Variants in CBFB observed in about 807,000 individuals in gnomAD.
CBFB encodes core-binding factor subunit beta.
In CBFB, 9 loss-of-function variants were observed where a neutral mutation model predicts 30.4. The ratio of observed to expected loss-of-function variants is 0.30; its 90% CI spans 0.18 to 0.52. CBFB has a LOEUF of 0.52. CBFB is among the 20% of genes least tolerant of loss of function. The pLI, the probability that CBFB is intolerant of heterozygous loss-of-function variation, is 0.97. For synonymous variants in CBFB, 94 were observed against 84.0 expected, an observed-to-expected ratio of 1.12 and a Z score of -0.65; for missense variants, 170 against 244.0, an observed-to-expected ratio of 0.70 and a Z score of 2.02.
chr16:67,038,159 G>A (rs905335536), intron 3 of CBFB, among the ~76,000 whole-genome samples: 5 of 151,820 alleles, frequency 3.3e-5, no homozygotes, highest in African/African-American at 9.7e-5. Context: ...TTTTGTACCC[G>A]TTTCTATCAA....
intron 5 of CBFB, among the ~76,000 whole-genome samples, chr16:67,084,189 A>AG (rs1961651390): frequency 2.0e-5 from 3 of 148,150 alleles, no homozygotes; most frequent in Non-Finnish European, 3.0e-5. Flanking sequence ...AAAAAAAAAA[A>AG]GTATATTCTA....
At chr16:67,036,505 A>C (rs1238168615) in intron 2 of CBFB, 134 bp from the exon 3 acceptor site, 4 of 592,510 alleles carry the variant, frequency 6.8e-6, no homozygotes, top group Admixed American at 2.7e-5. Context: ...TGATGAGTGC[A>C]TGTTTTTTTT....
chr16:67,092,696 A>AT (rs1162307047), intron 5 of CBFB, among the ~76,000 whole-genome samples: 38 of 94,674 alleles, frequency 4.0e-4, no homozygotes, highest in South Asian at 1.1e-3. Flanking sequence ...CAGTGGTGCA[A>AT]TCTTTTTTTT....
intron 4 of CBFB, chr16:67,067,044 A>G (rs1049778337): frequency 6.0e-5 from 16 of 266,912 alleles, no homozygotes; most frequent in East Asian, 6.9e-5. Flanking sequence ...AAGTCCAGCA[A>G]GTAGCTCTTT....
At chr16:67,042,240 T>C (rs1319191787) in intron 3 of CBFB, among the ~76,000 whole-genome samples, 1 of 152,020 alleles carries the variant, frequency 6.6e-6, no homozygotes, top group Non-Finnish European at 1.5e-5. Flanking sequence ...AAAAATCATT[T>C]GTTTCTAAGT....
At position 67,100,105 on chromosome 16, in the gene CBFB, A is replaced by C. The variant is rs1962174947; in HGVS notation, c.*1327A>C. The C allele has an allele frequency of 1.4e-5, 3 of 213,152 alleles. No homozygotes were observed. In the South Asian group the frequency reaches 5.6e-4, roughly 40 times the overall value. 13.2% of individuals were successfully genotyped at this position (213,152 alleles called of 1,614,324 possible). ...ACAGAGTGGAAAACAGTGCTAAGTC[A>C]TTTGGCACCTCCTTACAAATATTTT... is the stretch of plus-strand genomic sequence containing the variant. On this transcript the variant is annotated 3_prime_UTR_variant, in exon 6 of 6. Coordinates refer to ENST00000412916, the MANE Select transcript of CBFB (RefSeq NM_022845.3).
intron 3 of CBFB, among the ~76,000 whole-genome samples, chr16:67,042,708 GAAA>G (rs1039103134): frequency 6.6e-6 from 1 of 152,128 alleles, no homozygotes; most frequent in African/African-American, 2.4e-5. Context: ...TCCATAGAGA[GAAA>G]AAGAGTGAAG....
intron 3 of CBFB, among the ~76,000 whole-genome samples, chr16:67,051,434 A>G (rs527527712): frequency 6.6e-6 from 1 of 152,066 alleles, no homozygotes; most frequent in East Asian, 1.9e-4. Context: ...AAATATATGT[A>G]TATATATCCA....
chr16:67,098,412 C>G (rs1962118511), intron 5 of CBFB, among the ~76,000 whole-genome samples: 1 of 152,200 alleles, frequency 6.6e-6, no homozygotes, highest in Non-Finnish European at 1.5e-5. Context: ...TCTGGGATTA[C>G]AGGCATGAGC....
At chr16:67,089,089 G>C (rs1252809765) in intron 5 of CBFB, among the ~76,000 whole-genome samples, 1 of 152,114 alleles carries the variant, frequency 6.6e-6, no homozygotes, top group Non-Finnish European at 1.5e-5. Context: ...TATTTCAGTA[G>C]TACAATATTT....
At chr16:67,036,591 T>A (rs1468988583) in intron 2 of CBFB, 48 bp from the exon 3 acceptor site, 2 of 1,024,044 alleles carry the variant, frequency 2.0e-6, no homozygotes, top group Non-Finnish European at 3.1e-6. Flanking sequence ...TTGCATAATT[T>A]ATGTAATGTC....
In CBFB at chr16:67,036,823, C is replaced by T. The variant is rs541052722; in HGVS notation, c.282+68C>T. On this transcript the variant is annotated intron_variant, in intron 3 of 5. Coordinates refer to ENST00000412916, the MANE Select transcript of CBFB (RefSeq NM_022845.3). ...TTGTTAGAGATTATCTGGTAATTTACATTTTAATAAAGATCACAGATCTGA... is the reference window on the plus strand; with the variant it reads ...TTGTTAGAGATTATCTGGTAATTTATATTTTAATAAAGATCACAGATCTGA... 6.4e-5 allele frequency: 57 copies of T among 888,338 alleles called. No individual in the cohort carries two copies. The South Asian group carries it at 6.5e-4, about 10-fold the overall frequency. 55.0% of individuals were successfully genotyped at this position (888,338 alleles called of 1,614,324 possible).
At chr16:67,049,288 C>T (rs1276764811) in intron 3 of CBFB, among the ~76,000 whole-genome samples, 2 of 151,962 alleles carry the variant, frequency 1.3e-5, no homozygotes, top group Non-Finnish European at 2.9e-5. Flanking sequence ...ACTGCAACCT[C>T]CGCCTCCCGG....
Position 67,029,313 on chromosome 16 carries a change from G to T in CBFB, c.-95G>T. ...AAAGGGAAGCGGGCGTCCGGGCGCCGCGGGTGGGCGGTCAGTCGGTCAGCG... is the reference window on the plus strand; with the variant it reads ...AAAGGGAAGCGGGCGTCCGGGCGCCTCGGGTGGGCGGTCAGTCGGTCAGCG... On this transcript the variant is annotated 5_prime_UTR_variant, in exon 1 of 6. Transcript: ENST00000412916. The T allele has an allele frequency of 2.4e-6, 2 of 836,228 alleles. No individual in the cohort carries two copies. Among genetic ancestry groups the T allele is most frequent in the South Asian group, 5.3e-5 (1 of 18,766 alleles). 51.8% of individuals were successfully genotyped at this position (836,228 alleles called of 1,614,324 possible).
chr16:67,094,631 A>G (rs557896200), intron 5 of CBFB, among the ~76,000 whole-genome samples: 43 of 152,192 alleles, frequency 2.8e-4, no homozygotes, highest in African/African-American at 9.9e-4. Flanking sequence ...ATTAGGATTT[A>G]TTTTTCTCAG....
At chr16:67,044,515 A>T in intron 3 of CBFB, among the ~76,000 whole-genome samples, 1 of 152,270 alleles carries the variant, frequency 6.6e-6, no homozygotes, top group Non-Finnish European at 1.5e-5. Context: ...AAAAATTTTG[A>T]TAAGTTGTAT....
intron 3 of CBFB, among the ~76,000 whole-genome samples, chr16:67,053,008 CAAAA>C (rs574234817): frequency 8.2e-6 from 1 of 121,920 alleles, no homozygotes; most frequent in Non-Finnish European, 1.7e-5. Context: ...GATGCTATCT[CAAAA>C]AAAAAAAAAA....
At chr16:67,085,673 CTTTT>C (rs764788080) in intron 5 of CBFB, among the ~76,000 whole-genome samples, 1 of 115,432 alleles carries the variant, frequency 8.7e-6, no homozygotes, top group Admixed American at 8.8e-5. Context: ...AATTTAGTAT[CTTTT>C]TTTTTTTTTT....
chr16:67,034,416 G>A (rs910994041), intron 2 of CBFB, among the ~76,000 whole-genome samples: 12 of 152,040 alleles, frequency 7.9e-5, no homozygotes, highest in Admixed American at 5.9e-4. Context: ...GTTTATTTTC[G>A]TCTTTATTTT....
Sources: allele counts gnomAD v4.1 joint callset (sites outside exome capture counted in the v4.1 genomes callset), GRCh38; gene constraint gnomAD v4.1.1; transcripts MANE v1.5; gene names NCBI Gene and HGNC (gene_info 2026-07-23, HGNC 2026-07-21).